Variants in FAM241A observed in about 807,000 individuals in gnomAD.
The protein encoded by FAM241A is uncharacterized protein FAM241A.
Under a neutral mutation model 12.2 loss-of-function variants are expected in FAM241A, and 7 were observed. The ratio of observed to expected loss-of-function variants is 0.58; its 90% CI spans 0.33 to 1.08. FAM241A has a LOEUF of 1.08. FAM241A is among the 50% of genes least tolerant of loss of function. The pLI, the probability that FAM241A is intolerant of heterozygous loss-of-function variation, is 0.04. For synonymous variants in FAM241A, 74 were observed against 68.2 expected (o/e 1.08, Z -0.42); for missense variants, 161 against 169.7 (o/e 0.95, Z 0.29).
In FAM241A at chr4:112,194,582, C is replaced by A. The variant is rs867758152; in HGVS notation, c.*7644C>A. 26 of 151,934 alleles carry A rather than the reference C, an allele frequency of 1.7e-4. No homozygotes were observed. The highest frequency in any genetic ancestry group is 3.3e-4 in the Admixed American group (5 of 15,248). The allele number at this position is 151,934 out of a possible 1,614,324, so 9.4% of individuals were successfully genotyped here. ...AAGCGTTGTTGAATTTTGTCAAAGG[C>A]CTTTTCTGCATCTATTGAGATAATC... On this transcript the variant is annotated 3_prime_UTR_variant, in exon 2 of 2. Coordinates refer to ENST00000309733, the MANE Select transcript of FAM241A (RefSeq NM_152400.3).
At chr4:112,171,478 A>C in intron 1 of FAM241A, 2 of 778,560 alleles carry the variant, frequency 2.6e-6, no homozygotes, top group Non-Finnish European at 2.3e-6. Flanking sequence ...AGATGCAAGC[A>C]TTTTGAACTG....
chr4:112,192,538 T>C lies in FAM241A; in HGVS notation c.*5600T>C, dbSNP rs1724188099. ...CAGTCCCCAGAGTGTGATGTTCCCC[T>C]TCCTGTGTCCATGTGTTCTCATTGT... On this transcript the variant is annotated 3_prime_UTR_variant, in exon 2 of 2. Coordinates refer to ENST00000309733, the MANE Select transcript of FAM241A (RefSeq NM_152400.3). 1 of 135,752 alleles carries C rather than the reference T, an allele frequency of 7.4e-6. No individual in the cohort carries two copies. The highest frequency in any genetic ancestry group is 8.1e-5 in the Admixed American group (1 of 12,330). The allele number at this position is 135,752 out of a possible 1,614,324, so 8.4% of individuals were successfully genotyped here. A position where few individuals can be genotyped will look rare whatever the true frequency, so the allele number is the denominator to read the frequency against.
At position 112,192,239 on chromosome 4, in the gene FAM241A, A is replaced by G. The variant is rs985562236; in HGVS notation, c.*5301A>G. On this transcript the variant is annotated 3_prime_UTR_variant, in exon 2 of 2. Transcript: ENST00000309733. ...TTGATTCACTATTTTTCCAAAAAGG[A>G]TATTTTACAATACCTACGGTCACTG... The G allele has an allele frequency of 4.6e-5, 7 of 152,182 alleles. No individual in the cohort carries two copies. The highest frequency in any genetic ancestry group is 1.0e-4 in the Non-Finnish European group (7 of 68,040). 9.4% of individuals were successfully genotyped at this position (152,182 alleles called of 1,614,324 possible). A position where few individuals can be genotyped will look rare whatever the true frequency, so the allele number is the denominator to read the frequency against.
intron 1 of FAM241A, among the ~76,000 whole-genome samples, chr4:112,173,194 A>G (rs1214386381): frequency 6.6e-6 from 1 of 152,164 alleles, no homozygotes; most frequent in East Asian, 1.9e-4. Context: ...CAGCCCTGCC[A>G]GAGATTTAAT....
At chr4:112,181,717 C>G (rs1166006222) in intron 1 of FAM241A, among the ~76,000 whole-genome samples, 1 of 152,138 alleles carries the variant, frequency 6.6e-6, no homozygotes, top group African/African-American at 2.4e-5. Flanking sequence ...GAGAAAAGAG[C>G]ACGTGCAAAT....
rs1166905817 is a variant in FAM241A at position 112,177,662 on chromosome 4, A to G, written c.154-9031A>G. 2.0e-5 allele frequency among the ~76,000 whole-genome samples: 3 copies of G among 152,166 alleles called. No individual in the cohort carries two copies. In the South Asian group the frequency reaches 6.2e-4, roughly 32 times the overall value. On this transcript the variant is annotated intron_variant, in intron 1 of 1. Transcript: ENST00000309733. ...CTTGGGTTGGCTTTCCTACTCTACC[A>G]TTAATAGCACTACCACTGCTATTAC...
intron 1 of FAM241A, among the ~76,000 whole-genome samples, chr4:112,146,676 T>G (rs988410681): frequency 2.6e-5 from 4 of 152,244 alleles, no homozygotes; most frequent in African/African-American, 9.6e-5. Flanking sequence ...CTCATCTTTC[T>G]TCATCTGTCC....
intron 1 of FAM241A, among the ~76,000 whole-genome samples, chr4:112,165,896 A>T (rs1418042282): frequency 6.6e-6 from 1 of 152,220 alleles, no homozygotes; most frequent in East Asian, 1.9e-4. Context: ...TTTAAAAATA[A>T]CTAAAAGTAT....
In FAM241A at chr4:112,188,670, T is replaced by C. The variant is rs943457290; in HGVS notation, c.*1732T>C. The stretch of plus-strand genomic sequence containing the variant: ...AATAGATGTCATGAGATTTTGTATA[T>C]CTACATAAAATATCAGTACATTTTT... On this transcript the variant is annotated 3_prime_UTR_variant, in exon 2 of 2. Transcript: ENST00000309733. The C allele has an allele frequency of 3.9e-5, 6 of 152,150 alleles. No homozygotes were observed. The highest frequency in any genetic ancestry group is 8.8e-5 in the Non-Finnish European group (6 of 68,008). The allele number at this position is 152,150 out of a possible 1,614,324, so 9.4% of individuals were successfully genotyped here. A position where few individuals can be genotyped will look rare whatever the true frequency, so the allele number is the denominator to read the frequency against.
chr4:112,175,289 C>G (rs760144515), intron 1 of FAM241A, among the ~76,000 whole-genome samples: 9 of 152,186 alleles, frequency 5.9e-5, no homozygotes, highest in Non-Finnish European at 1.3e-4. Flanking sequence ...TCTTAGCAAG[C>G]TTTCCCCCCT....
rs1374562068 is a variant in FAM241A, at chr4:112,194,527, A to G, written c.*7589A>G. ...TATTATTTTGAGATACGTCCCATCA[A>G]TACCTGATTTATTGAGAGTTTTTAG... On this transcript the variant is annotated 3_prime_UTR_variant, in exon 2 of 2. Transcript: ENST00000309733. The G allele has an allele frequency of 6.6e-6, 1 of 152,074 alleles. No homozygotes were observed. The highest frequency in any genetic ancestry group is 1.5e-5 in the Non-Finnish European group (1 of 68,020). The allele number at this position is 152,074 out of a possible 1,614,324, so 9.4% of individuals were successfully genotyped here. A position where few individuals can be genotyped will look rare whatever the true frequency, so the allele number is the denominator to read the frequency against.
intron 1 of FAM241A, among the ~76,000 whole-genome samples, chr4:112,160,269 A>T (rs146047124): frequency 1.3e-5 from 2 of 151,984 alleles, no homozygotes; most frequent in African/African-American, 2.4e-5. Flanking sequence ...TTAGCTGGGC[A>T]TGGTGATGCG....
intron 1 of FAM241A, among the ~76,000 whole-genome samples, chr4:112,178,517 T>G (rs1723867483): frequency 1.3e-5 from 2 of 152,126 alleles, no homozygotes; most frequent in Non-Finnish European, 2.9e-5. Context: ...AATATTTACA[T>G]GTAAGACCTC....
At chr4:112,169,643 A>G (rs1723676109) in intron 1 of FAM241A, among the ~76,000 whole-genome samples, 1 of 152,200 alleles carries the variant, frequency 6.6e-6, no homozygotes, top group Non-Finnish European at 1.5e-5. Flanking sequence ...GCATCTCAGC[A>G]CAATTTTTAC....
chr4:112,165,120 G>A (rs1398905405), intron 1 of FAM241A, among the ~76,000 whole-genome samples: 1 of 152,064 alleles, frequency 6.6e-6, no homozygotes, highest in Non-Finnish European at 1.5e-5. Flanking sequence ...ACAAAAACAA[G>A]ACATACAAAT....
intron 1 of FAM241A, among the ~76,000 whole-genome samples, chr4:112,150,035 T>G (rs1243696221): frequency 6.6e-6 from 1 of 152,088 alleles, no homozygotes; most frequent in African/African-American, 2.4e-5. Flanking sequence ...AAGAAATTTT[T>G]TCTAATCTTA....
chr4:112,175,490 G>C (rs369282547), intron 1 of FAM241A, among the ~76,000 whole-genome samples: 1 of 152,112 alleles, frequency 6.6e-6, no homozygotes, highest in Middle Eastern at 3.2e-3. Context: ...ATGTTCAGCC[G>C]GGTGTGGTGG....
intron 1 of FAM241A, among the ~76,000 whole-genome samples, chr4:112,155,353 A>G (rs1025596801): frequency 9.9e-5 from 15 of 152,110 alleles, no homozygotes; most frequent in Non-Finnish European, 1.8e-4. Flanking sequence ...TTCTGTTTAT[A>G]ATCATTTCAA....
rs1287623936 is a variant in FAM241A at position 112,188,076 on chromosome 4, T to C, written c.*1138T>C. The C allele has an allele frequency of 7.9e-5, 12 of 152,202 alleles. No homozygotes were observed. The highest frequency in any genetic ancestry group is 7.2e-4 in the Admixed American group (11 of 15,282). 9.4% of individuals were successfully genotyped at this position (152,202 alleles called of 1,614,324 possible). ...GTCTTAATTCAGCATTTTCAGGTTT[T>C]ATATTGAAATACGCATTTCTTTAAA... On this transcript the variant is annotated 3_prime_UTR_variant, in exon 2 of 2. Transcript: ENST00000309733.
Sources: allele counts gnomAD v4.1 joint callset (sites outside exome capture counted in the v4.1 genomes callset), GRCh38; gene constraint gnomAD v4.1.1; transcripts MANE v1.5; gene names NCBI Gene and HGNC (gene_info 2026-07-23, HGNC 2026-07-21).